ZC3H8: variants seen among roughly 807,000 people sequenced by gnomAD.
ZC3H8 encodes zinc finger CCCH-type containing 8, also known as zinc finger CCCH domain-containing protein 8.
Under a neutral mutation model 42.5 loss-of-function variants are expected in ZC3H8, and 27 were observed. The observed-to-expected ratio is 0.64, with a 90% CI of 0.47 to 0.88. The LOEUF is 0.88. ZC3H8 is among the 40% of genes least tolerant of loss of function. ZC3H8 has a pLI of 0.00. For synonymous variants in ZC3H8, 101 were observed against 110.1 expected (o/e 0.92, Z 0.52); for missense variants, 277 against 336.1 (o/e 0.82, Z 1.37).
At chr2:112,226,949 T>C (rs1003047056) in intron 8 of ZC3H8, among the ~76,000 whole-genome samples, 2 of 152,202 alleles carry the variant, frequency 1.3e-5, no homozygotes, top group Non-Finnish European at 2.9e-5. Flanking sequence ...GGAAAAATTA[T>C]ATGGTCATCT....
Position 112,255,026 on chromosome 2 carries a change from TAAC to T in ZC3H8, c.-48_-46del. The stretch of plus-strand genomic sequence containing the variant: ...TTTCGCGAGCCGGGAAGCTACAGAG[TAAC>T]AACCCGAGAGAGTGACAACCCGGAC... On this transcript the variant is annotated 5_prime_UTR_variant, in exon 1 of 9. Coordinates refer to ENST00000409573, the MANE Select transcript of ZC3H8 (RefSeq NM_032494.3). 6.4e-7 allele frequency: 1 copy of T among 1,559,174 alleles called. No individual in the cohort carries two copies. Among genetic ancestry groups the T allele is most frequent in the Non-Finnish European group, 8.7e-7 (1 of 1,152,612 alleles).
rs1684152024 is a variant in ZC3H8, at chr2:112,211,932, C to A, written c.*4552G>T. ...CTCCTCTTAACCCTTCTAAATATAT[C>A]TACTCTTCCTAGTTTTCTGCTCCTT... On this transcript the variant is annotated 3_prime_UTR_variant, in exon 9 of 9. Transcript: ENST00000409573. The A allele has an allele frequency of 6.6e-6, 1 of 152,208 alleles. No homozygotes were observed. The highest frequency in any genetic ancestry group is 2.4e-5 in the African/African-American group (1 of 41,452). The allele number at this position is 152,208 out of a possible 1,614,324, so 9.4% of individuals were successfully genotyped here.
At chr2:112,248,138 C>T (rs957362078) in intron 2 of ZC3H8, among the ~76,000 whole-genome samples, 3 of 152,112 alleles carry the variant, frequency 2.0e-5, no homozygotes, top group African/African-American at 7.2e-5. Context: ...CCAGCCTGGG[C>T]AACATGATGA....
chr2:112,238,300 T>A lies in ZC3H8; in HGVS notation c.370+15A>T. 6.2e-7 allele frequency: 1 copy of A among 1,607,736 alleles called. No homozygotes were observed. Among genetic ancestry groups the A allele is most frequent in the Middle Eastern group, 1.7e-4 (1 of 6,008 alleles). On this transcript the variant is annotated intron_variant, in intron 3 of 8. Transcript: ENST00000409573. ...TCTAGATAAACTTTAAATGATAAAATAGTTTGACTCTTACCCTGTGGGGTA... is the reference window on the plus strand; with the variant it reads ...TCTAGATAAACTTTAAATGATAAAAAAGTTTGACTCTTACCCTGTGGGGTA...
intron 2 of ZC3H8, among the ~76,000 whole-genome samples, chr2:112,240,987 G>GCA (rs1685558906): frequency 1.8e-5 from 2 of 114,090 alleles, no homozygotes; most frequent in South Asian, 5.0e-4. Flanking sequence ...GTGTGTGTGC[G>GCA]CGTGTGTATG....
chr2:112,235,479 A>C (rs1473924038), intron 4 of ZC3H8, among the ~76,000 whole-genome samples: 1 of 152,194 alleles, frequency 6.6e-6, no homozygotes, highest in Non-Finnish European at 1.5e-5. Flanking sequence ...AATTACCTGA[A>C]CCACAGGGCT....
At chr2:112,250,834 T>C in intron 1 of ZC3H8, among the ~76,000 whole-genome samples, 1 of 152,212 alleles carries the variant, frequency 6.6e-6, no homozygotes, top group Admixed American at 6.5e-5. Flanking sequence ...TTAGGCAGAA[T>C]GCAGAGTGCC....
rs535356937 is a variant in ZC3H8, at chr2:112,221,545, G to C, written c.*16-5077C>G. Among the ~76,000 whole-genome samples, 3 of 152,128 alleles carry C rather than the reference G, an allele frequency of 2.0e-5. No homozygotes were observed. In the East Asian group the frequency reaches 5.8e-4, roughly 29 times the overall value. ...TATTTCTTTATAGCAATGCATGAACGAACTAATACAGTCTTCTTTATTGTT... is the reference window on the plus strand; with the variant it reads ...TATTTCTTTATAGCAATGCATGAACCAACTAATACAGTCTTCTTTATTGTT... On this transcript the variant is annotated intron_variant, in intron 8 of 8. Transcript: ENST00000409573.
At chr2:112,253,522 T>C (rs1393260029) in intron 1 of ZC3H8, among the ~76,000 whole-genome samples, 1 of 152,004 alleles carries the variant, frequency 6.6e-6, no homozygotes, top group Non-Finnish European at 1.5e-5. Context: ...CAAAGACAAA[T>C]GACAATTGGG....
chr2:112,246,958 C>T (rs1288482784), intron 2 of ZC3H8, among the ~76,000 whole-genome samples: 1 of 152,194 alleles, frequency 6.6e-6, no homozygotes, highest in Non-Finnish European at 1.5e-5. Flanking sequence ...CAGTGTTTAG[C>T]AGTCACCACC....
At chr2:112,238,862 G>T (rs1273169570) in intron 2 of ZC3H8, among the ~76,000 whole-genome samples, 1 of 152,188 alleles carries the variant, frequency 6.6e-6, no homozygotes, top group Non-Finnish European at 1.5e-5. Context: ...GATATGAGAG[G>T]ATTACAGTAT....
chr2:112,220,676 C>G (rs1008242267), intron 8 of ZC3H8, among the ~76,000 whole-genome samples: 5 of 152,116 alleles, frequency 3.3e-5, no homozygotes, highest in Admixed American at 6.5e-5. Flanking sequence ...ACAAAATTAG[C>G]CAGGCATGGT....
At chr2:112,232,234 T>C (rs1430877860) in intron 6 of ZC3H8, among the ~76,000 whole-genome samples, 1 of 150,188 alleles carries the variant, frequency 6.7e-6, no homozygotes, top group African/African-American at 2.5e-5. Flanking sequence ...CAAAATCATT[T>C]GAACCTGGGA....
At chr2:112,236,514 C>A in intron 4 of ZC3H8, 48 bp downstream of exon 4, 1 of 1,596,632 alleles carries the variant, frequency 6.3e-7, no homozygotes, top group South Asian at 1.1e-5. Context: ...AGATCAAGTC[C>A]AAAAGCATGC....
At chr2:112,232,613 C>T (rs1685145710) in intron 6 of ZC3H8, among the ~76,000 whole-genome samples, 1 of 152,138 alleles carries the variant, frequency 6.6e-6, no homozygotes, top group Non-Finnish European at 1.5e-5. Context: ...AACGACATAT[C>T]TTACAAATCT....
chr2:112,242,315 A>G (rs1685613079), intron 2 of ZC3H8, among the ~76,000 whole-genome samples: 1 of 152,234 alleles, frequency 6.6e-6, no homozygotes, highest in Non-Finnish European at 1.5e-5. Context: ...TGAAAACTAT[A>G]TAAAATTTAA....
intron 3 of ZC3H8, among the ~76,000 whole-genome samples, chr2:112,237,461 CATCT>C (rs1406594476): frequency 6.6e-6 from 1 of 152,136 alleles, no homozygotes; most frequent in African/African-American, 2.4e-5. Context: ...CGCATTTATC[CATCT>C]ATCCTGCAAT....
chr2:112,222,059 C>T (rs1001272184), intron 8 of ZC3H8, among the ~76,000 whole-genome samples: 3 of 151,940 alleles, frequency 2.0e-5, no homozygotes, highest in African/African-American at 7.3e-5. Flanking sequence ...TCTTGATAAC[C>T]TTGGGGGTTT....
rs754279199 is a variant in ZC3H8, at chr2:112,238,526, A to G, written c.159T>C (p.Phe53=). 6.3e-7 allele frequency: 1 copy of G among 1,592,768 alleles called. No individual in the cohort carries two copies. Among genetic ancestry groups the G allele is most frequent in the South Asian group, 1.1e-5 (1 of 87,742 alleles). ...KLECEQIPKK[F]RHSAISPKSS... is the part of the protein sequence containing the mutation. Reference sequence around the variant, plus strand: ...TTTTTGGTGATATTGCAGAGTGTCTAAACTAAGTAAAAATTAAAACTTCAA... The same window carrying G: ...TTTTTGGTGATATTGCAGAGTGTCTGAACTAAGTAAAAATTAAAACTTCAA... Residue 53 remains phenylalanine, a splice_region_variant and synonymous_variant, in exon 3 of 9, where the codon TTT becomes TTC. Transcript: ENST00000409573.
Sources: allele counts gnomAD v4.1 joint callset (sites outside exome capture counted in the v4.1 genomes callset), GRCh38; gene constraint gnomAD v4.1.1; transcripts MANE v1.5; gene names NCBI Gene and HGNC (gene_info 2026-07-23, HGNC 2026-07-21).